Variants in PDE6A observed in about 807,000 individuals in gnomAD.
The protein encoded by PDE6A is phosphodiesterase 6A, also known as rod cGMP-specific 3',5'-cyclic phosphodiesterase subunit alpha.
A neutral mutation model predicts 106.3 loss-of-function variants in PDE6A; 84 were observed. The ratio of observed to expected loss-of-function variants is 0.79; its 90% CI spans 0.66 to 0.95. The LOEUF (loss-of-function observed/expected upper bound fraction) is 0.95, where lower values mean the gene tolerates loss of function less well. Among genes scored for constraint, PDE6A ranks in the 40% least tolerant of loss-of-function variants. The pLI, the probability that PDE6A is intolerant of heterozygous loss-of-function variation, is 0.00. For missense variants in PDE6A, 1,052 were observed against 1,084.9 expected, an observed-to-expected ratio of 0.97 and a Z score of 0.43; for synonymous variants, 394 against 386.6, an observed-to-expected ratio of 1.02 and a Z score of -0.23.
At chr5:149,909,811 T>C (rs1422469254) in intron 6 of PDE6A, among the ~76,000 whole-genome samples, 4 of 152,232 alleles carry the variant, frequency 2.6e-5, no homozygotes, top group African/African-American at 9.6e-5. Flanking sequence ...CTAATTTCCA[T>C]TAATTGATTC....
chr5:149,884,199 A>AATAT (rs1554087091), intron 16 of PDE6A, among the ~76,000 whole-genome samples: 8 of 142,338 alleles, frequency 5.6e-5, no homozygotes, highest in African/African-American at 1.3e-4. Context: ...AAAAAAAAAA[A>AATAT]ATATATATAT....
At chr5:149,920,427 G>T (rs1016625569) in intron 5 of PDE6A, among the ~76,000 whole-genome samples, 3 of 151,948 alleles carry the variant, frequency 2.0e-5, no homozygotes, top group African/African-American at 7.2e-5. Flanking sequence ...CTAAAAATAC[G>T]AAAATTAGCC....
intron 4 of PDE6A, among the ~76,000 whole-genome samples, chr5:149,928,525 C>T (rs936345207): frequency 4.0e-5 from 6 of 151,852 alleles, no homozygotes; most frequent in South Asian, 2.1e-4. Flanking sequence ...CGTGAGCCAC[C>T]GCGCCCGGCC....
At chr5:149,880,979 C>T (rs1252541672) in intron 17 of PDE6A, among the ~76,000 whole-genome samples, 7 of 152,104 alleles carry the variant, frequency 4.6e-5, no homozygotes, top group Admixed American at 4.6e-4. Context: ...ACGAGAATTG[C>T]TTGAACCCAG....
intron 5 of PDE6A, among the ~76,000 whole-genome samples, chr5:149,920,946 G>GAAAGAA (rs1753690480): frequency 9.6e-6 from 1 of 104,364 alleles, no homozygotes; most frequent in Non-Finnish European, 1.7e-5. Flanking sequence ...GAGAGAAAAA[G>GAAAGAA]AAAGAAAGAA....
chr5:149,881,864 G>A (rs1289842590), intron 17 of PDE6A, among the ~76,000 whole-genome samples: 1 of 151,978 alleles, frequency 6.6e-6, no homozygotes, highest in Non-Finnish European at 1.5e-5. Context: ...AACCAGCCTA[G>A]GCAACATGGC....
Position 149,863,208 on chromosome 5 carries a change from C to G in PDE6A, c.2417G>C (p.Arg806Pro). The part of the protein sequence containing the change: ...TPMLDGITNN[R>P]KEWKALADEY... ...ATCAGCAAGCGCCTTCCACTCCTTG[C>G]GATTGTTGGTGATCCCGTCCAACAT... The change falls in exon 21 of 22, where the codon CGC (arginine) becomes CCC (proline). Residue 806 changes from arginine (R) to proline (P), a missense_variant. By Grantham distance (103) the Arg-to-Pro change is moderately radical. Transcript: ENST00000255266. The surrounding 1 kb of genome is among the most constrained non-coding windows in gnomAD (Gnocchi z 4.7). 1 of 1,614,138 alleles carries G rather than the reference C, an allele frequency of 6.2e-7. No homozygotes were observed. The highest frequency in any genetic ancestry group is 8.5e-7 in the Non-Finnish European group (1 of 1,180,006).
In PDE6A at chr5:149,884,509, A is replaced by T. The variant is rs1472501176; in HGVS notation, c.1997T>A (p.Ile666Asn). 3.1e-6 allele frequency: 5 copies of T among 1,613,540 alleles called. No homozygotes were observed. In the Admixed American group the frequency reaches 5.0e-5, roughly 16 times the overall value. Residue 666 changes from isoleucine (I) to asparagine (N), a missense_variant, in exon 16 of 22, where the codon ATC (isoleucine) becomes AAC (asparagine). Physicochemically the swap from Ile to Asn is moderately radical, Grantham distance 149 (BLOSUM62 -3). Transcript: ENST00000255266. ...ATACAGGGCGAGGTCTGTGGCAATG[A>T]TTGCAATGTCCATCATGTGGATGGC... ...EHAIHMMDIA[I>N]IATDLALYFK...
intron 21 of PDE6A, among the ~76,000 whole-genome samples, chr5:149,861,217 AG>A (rs1317281516): frequency 6.6e-6 from 1 of 152,266 alleles, no homozygotes; most frequent in Non-Finnish European, 1.5e-5. Context: ...CTGGGAGACC[AG>A]GGGAGCTGTG....
chr5:149,867,617 G>A (rs894081314), intron 19 of PDE6A, 108 bp downstream of exon 19: 8 of 986,010 alleles, frequency 8.1e-6, no homozygotes, highest in South Asian at 2.7e-5. Context: ...TTAGGAAAAG[G>A]TCATCTTTAT....
rs1039244488 is a variant in PDE6A at position 149,896,394 on chromosome 5, C to G, written c.1582G>C (p.Glu528Gln). ...LVKCGIQMYY[E>Q]LKVVDKFHIP... Reference sequence around the variant, plus strand: ...TGAAATTTATCCACCACTTTGAGCTCATAATACATCTGTATTCCACATTTT... The same window carrying G: ...TGAAATTTATCCACCACTTTGAGCTGATAATACATCTGTATTCCACATTTT... The change falls in exon 12 of 22, where the codon GAG becomes CAG. Residue 528 changes from glutamate to glutamine, a missense_variant. Physicochemically the swap from Glu to Gln is conservative, Grantham distance 29. Transcript: ENST00000255266. 3 of 1,614,116 alleles carry G rather than the reference C, an allele frequency of 1.9e-6. No individual in the cohort carries two copies. The highest frequency in any genetic ancestry group is 1.7e-5 in the Admixed American group (1 of 60,024).
chr5:149,904,803 G>A (rs1009016730), intron 7 of PDE6A, among the ~76,000 whole-genome samples: 2 of 152,094 alleles, frequency 1.3e-5, no homozygotes, highest in African/African-American at 4.8e-5. Flanking sequence ...AGTTCTTGGA[G>A]CCCTCTTTCC....
intron 17 of PDE6A, among the ~76,000 whole-genome samples, chr5:149,868,473 G>A (rs939625510): frequency 2.0e-5 from 3 of 152,222 alleles, no homozygotes; most frequent in African/African-American, 7.2e-5. Context: ...TGTGGTTGGA[G>A]AAATCTAAGT....
chr5:149,896,349 A>C lies in PDE6A; in HGVS notation c.1620+7T>G, dbSNP rs755438886. ...AGGGAAATCATATATATTTGTTTTG[A>C]CCTCACCTCTTGTGGAATGTGAAAT... On this transcript the variant is annotated splice_region_variant and intron_variant, in intron 12 of 21. Transcript: ENST00000255266. The C allele has an allele frequency of 6.2e-6, 10 of 1,609,196 alleles. No homozygotes were observed. The Admixed American group carries it at 1.5e-4, about 24-fold the overall frequency.
chr5:149,883,347 G>T, intron 17 of PDE6A, 82 bp downstream of exon 17: 1 of 912,142 alleles, frequency 1.1e-6, no homozygotes. Flanking sequence ...AAGGCTTGTT[G>T]AGGGCAGCAA....
intron 17 of PDE6A, among the ~76,000 whole-genome samples, chr5:149,870,334 C>T (rs1278545497): frequency 6.6e-6 from 1 of 152,208 alleles, no homozygotes; most frequent in Non-Finnish European, 1.5e-5. Flanking sequence ...TTCTTAGAAA[C>T]ACCTTTATGC....
intron 6 of PDE6A, among the ~76,000 whole-genome samples, chr5:149,910,420 G>A (rs13354042): frequency 0.042 from 6,465 of 152,140 alleles, 174 homozygotes; most frequent in African/African-American, 0.055. Flanking sequence ...AACCTATAAC[G>A]TAATCTATAA....
In PDE6A at chr5:149,944,369, C is replaced by T. The variant is rs750539462; in HGVS notation, c.305G>A (p.Arg102His). ...GGTGGCCAGCTCTGCGATGCCATTGCGGGTCCGGTACATGAACAGGCTCAT... is the reference window on the plus strand; with the variant it reads ...GGTGGCCAGCTCTGCGATGCCATTGTGGGTCCGGTACATGAACAGGCTCAT... ...DRMSLFMYRT[R>H]NGIAELATRL... The change falls in exon 1 of 22, where the codon CGC becomes CAC. Residue 102 changes from arginine to histidine, a missense_variant. Arg to His is a conservative substitution (Grantham distance 29). This residue lies in a region of PDE6A where 913 missense variants were observed against 915.2 expected (regional missense o/e 1.00). Transcript: ENST00000255266. 2.7e-5 allele frequency: 43 copies of T among 1,613,920 alleles called. No homozygotes were observed. Among genetic ancestry groups the T allele is most frequent in the Middle Eastern group, 3.3e-4 (2 of 6,084 alleles).
intron 6 of PDE6A, among the ~76,000 whole-genome samples, chr5:149,910,874 C>CTTTTTTTTT (rs386405293): frequency 1.3e-4 from 11 of 87,150 alleles, no homozygotes; most frequent in African/African-American, 2.3e-4. Flanking sequence ...TTTCTTTTTC[C>CTTTTTTTTT]TTTTTTTTTT....
Sources: gnomAD v4.1 joint callset for allele counts (sites outside exome capture counted in the v4.1 genomes callset) on GRCh38, gnomAD v4.1.1 for gene constraint, gnomAD v4.1.1 regional missense constraint, Gnocchi (gnomAD v3.1) non-coding constraint, MANE v1.5 for transcripts, NCBI Gene and HGNC (gene_info 2026-07-23, HGNC 2026-07-21) for gene names.